The following ZNF385B variants were observed in gnomAD, a reference collection of about 807,000 sequenced individuals.
ZNF385B encodes zinc finger protein 533.
In ZNF385B, 23 loss-of-function variants were observed where a neutral mutation model predicts 39.2. That is an observed-to-expected ratio of 0.59 (90% confidence interval 0.42 to 0.83). The LOEUF (loss-of-function observed/expected upper bound fraction) is 0.83, where lower values mean the gene tolerates loss of function less well. ZNF385B is among the 40% of genes least tolerant of loss of function. The pLI, the probability that ZNF385B is intolerant of heterozygous loss-of-function variation, is 0.00. For missense variants in ZNF385B, 552 were observed against 598.9 expected (o/e 0.92, Z 0.82); for synonymous variants, 205 against 222.6 (o/e 0.92, Z 0.70).
At chr2:179,504,467 G>A (rs1206669581) in intron 5 of ZNF385B, among the ~76,000 whole-genome samples, 1 of 152,110 alleles carries the variant, frequency 6.6e-6, no homozygotes, top group Admixed American at 6.5e-5. Context: ...CTTCCACAAT[G>A]GTTGCACCAG....
At chr2:179,545,703 T>A (rs1242900684) in intron 3 of ZNF385B, among the ~76,000 whole-genome samples, 2 of 152,350 alleles carry the variant, frequency 1.3e-5, no homozygotes, top group East Asian at 3.9e-4. Flanking sequence ...TTTTTAGCAG[T>A]TAAATTAACT....
intron 6 of ZNF385B, among the ~76,000 whole-genome samples, chr2:179,462,210 T>G (rs919085312): frequency 6.6e-6 from 1 of 152,222 alleles, no homozygotes; most frequent in Non-Finnish European, 1.5e-5. Flanking sequence ...CATATTACTG[T>G]TTAACACTCA....
intron 4 of ZNF385B, among the ~76,000 whole-genome samples, chr2:179,541,789 TGCCTTCCACACTTCCA>T (rs150213668): frequency 0.04 from 6,039 of 152,290 alleles, 174 homozygotes; most frequent in Non-Finnish European, 0.06. Context: ...TGCTGAAAAT[TGCCTTCCACACTTCCA>T]GAAAAGAGCA....
intron 1 of ZNF385B, among the ~76,000 whole-genome samples, chr2:179,776,598 G>A (rs1486835536): frequency 2.0e-5 from 3 of 152,122 alleles, no homozygotes; most frequent in Non-Finnish European, 4.4e-5. Flanking sequence ...CCTATTAGTG[G>A]GGGAATTGTG....
intron 3 of ZNF385B, among the ~76,000 whole-genome samples, chr2:179,637,933 G>A (rs1408142200): frequency 2.0e-5 from 3 of 152,166 alleles, no homozygotes; most frequent in Admixed American, 6.5e-5. Context: ...TAGATCACAC[G>A]TATGAAGACA....
At chr2:179,857,146 T>C (rs1559256442) in intron 1 of ZNF385B, among the ~76,000 whole-genome samples, 1 of 152,240 alleles carries the variant, frequency 6.6e-6, no homozygotes, top group African/African-American at 2.4e-5. Flanking sequence ...CTGGTTCTAC[T>C]ATAAAAACCA....
intron 3 of ZNF385B, among the ~76,000 whole-genome samples, chr2:179,655,232 A>G (rs987989482): frequency 1.1e-4 from 16 of 152,142 alleles, no homozygotes; most frequent in Admixed American, 6.6e-4. Flanking sequence ...TTACAAAGCC[A>G]CACTTTGGCA....
chr2:179,803,945 AG>A (rs1202133313), intron 1 of ZNF385B, among the ~76,000 whole-genome samples: 1 of 152,196 alleles, frequency 6.6e-6, no homozygotes, highest in Non-Finnish European at 1.5e-5. Flanking sequence ...CCACATAATT[AG>A]AGCACCCAAG....
chr2:179,838,639 T>G (rs1342606989), intron 1 of ZNF385B, among the ~76,000 whole-genome samples: 1 of 152,176 alleles, frequency 6.6e-6, no homozygotes, highest in Admixed American at 6.5e-5. Context: ...TTCTCTGGGA[T>G]GTAAAGCTAT....
intron 3 of ZNF385B, among the ~76,000 whole-genome samples, chr2:179,618,972 C>T (rs1181049280): frequency 6.6e-6 from 1 of 151,960 alleles, no homozygotes; most frequent in African/African-American, 2.4e-5. Flanking sequence ...CAGTGTTCAG[C>T]GAATATAATG....
At chr2:179,711,688 G>T (rs2106384857) in intron 3 of ZNF385B, among the ~76,000 whole-genome samples, 1 of 152,164 alleles carries the variant, frequency 6.6e-6, no homozygotes, top group African/African-American at 2.4e-5. Flanking sequence ...CCTTTGTTTT[G>T]GGTTAAATGA....
chr2:179,453,249 G>A (rs2050332544), intron 6 of ZNF385B, among the ~76,000 whole-genome samples: 1 of 152,104 alleles, frequency 6.6e-6, no homozygotes, highest in Non-Finnish European at 1.5e-5. Context: ...GATACCGAAC[G>A]AGACTTCTGT....
chr2:179,642,262 G>A (rs112222042), intron 3 of ZNF385B, among the ~76,000 whole-genome samples: 29 of 152,092 alleles, frequency 1.9e-4, no homozygotes, highest in African/African-American at 7.0e-4. Context: ...GGAGTAAATG[G>A]GAGTCTGTTT....
intron 3 of ZNF385B, among the ~76,000 whole-genome samples, chr2:179,691,562 C>G (rs1168139418): frequency 1.3e-5 from 2 of 152,116 alleles, no homozygotes; most frequent in African/African-American, 4.8e-5. Context: ...AAAGTTGTAT[C>G]CTAAATACAA....
At chr2:179,679,597 T>C (rs1697318251) in intron 3 of ZNF385B, among the ~76,000 whole-genome samples, 1 of 109,172 alleles carries the variant, frequency 9.2e-6, no homozygotes, top group South Asian at 3.5e-4. Context: ...TATTAACAGC[T>C]ATTATTGTTG....
Position 179,521,353 on chromosome 2 carries a change from G to GTTTTTTTTTTTTTTT in ZNF385B, c.442-2730_442-2716dup, listed in dbSNP as rs56392185. Among the ~76,000 whole-genome samples, 163 of 108,148 alleles carry GTTTTTTTTTTTTTTT rather than the reference G, an allele frequency of 1.5e-3. 1 individual carries two copies. The highest frequency in any genetic ancestry group is 2.7e-3 in the African/African-American group (76 of 27,836). The allele number at this position is 108,148 out of a possible 152,430, so 70.9% of individuals were successfully genotyped here. A position where few individuals can be genotyped will look rare whatever the true frequency, so the allele number is the denominator to read the frequency against. ...AGGCACCCACCACCGCACCTGGCCA[G>GTTTTTTTTTTTTTTT]TTTTTTTTTTTTTTTTTTGTATTTT... On this transcript the variant is annotated intron_variant, in intron 4 of 9. Transcript: ENST00000410066.
chr2:179,837,911 A>C (rs1012414784), intron 1 of ZNF385B, among the ~76,000 whole-genome samples: 2 of 152,214 alleles, frequency 1.3e-5, no homozygotes, highest in Non-Finnish European at 2.9e-5. Flanking sequence ...TTAATAACCA[A>C]AAAAATAAGC....
chr2:179,843,357 A>G lies in ZNF385B; in HGVS notation c.-155+17744T>C, dbSNP rs182614990. On this transcript the variant is annotated intron_variant, in intron 1 of 9. Coordinates refer to ENST00000410066, the MANE Select transcript of ZNF385B (RefSeq NM_152520.6). ...ACCCTTCCACCTGCATATATATCTC[A>G]GTGAATCGGAACTTCTTTCTTCGTA... is the stretch of plus-strand genomic sequence containing the variant. Among the ~76,000 whole-genome samples the G allele has an allele frequency of 8.5e-5, 13 of 152,304 alleles. No individual in the cohort carries two copies. The East Asian group carries it at 2.3e-3, about 27-fold the overall frequency.
intron 3 of ZNF385B, among the ~76,000 whole-genome samples, chr2:179,652,198 C>T (rs2203458): frequency 1 from 151,964 of 152,296 alleles, 75,816 homozygotes; most frequent in Middle Eastern, 1. Context: ...ATGCTATTAT[C>T]AGGAAAACTT....
Sources: allele counts gnomAD v4.1 joint callset (sites outside exome capture counted in the v4.1 genomes callset), GRCh38; gene constraint gnomAD v4.1.1; transcripts MANE v1.5; gene names NCBI Gene and HGNC (gene_info 2026-07-23, HGNC 2026-07-21).